Variants in STK24 observed in about 807,000 individuals in gnomAD.
The protein encoded by STK24 is serine/threonine-protein kinase 24.
In STK24, 21 loss-of-function variants were observed where a neutral mutation model predicts 55.6. The observed-to-expected ratio is 0.38, with a 90% CI of 0.27 to 0.54. The LOEUF (loss-of-function observed/expected upper bound fraction) is 0.54. Among genes scored for constraint, STK24 ranks in the 20% least tolerant of loss-of-function variants. The probability of loss-of-function intolerance (pLI) is 0.79; values close to 1 mark genes in which losing one functional copy is unlikely to be tolerated. For synonymous variants in STK24, 200 were observed against 215.2 expected (o/e 0.93, Z 0.62); for missense variants, 383 against 538.4 (o/e 0.71, Z 2.86).
intron 1 of STK24, among the ~76,000 whole-genome samples, chr13:98,560,540 C>A (rs1410612919): frequency 6.6e-6 from 1 of 152,150 alleles, no homozygotes; most frequent in Admixed American, 6.6e-5. Context: ...TTAAACCAGA[C>A]TATTTACCAT....
Position 98,449,369 on chromosome 13 carries a change from A to T in STK24, c.*3804T>A, listed in dbSNP as rs1386625889. On this transcript the variant is annotated 3_prime_UTR_variant, in exon 11 of 11. Coordinates refer to ENST00000539966, the MANE Select transcript of STK24 (RefSeq NM_001032296.4). ...TTCCCCCCAGGCATGGGGTAGTGTC[A>T]GTCGGACTGCACAGGGAACACGGTT... 1 of 152,174 alleles carries T rather than the reference A, an allele frequency of 6.6e-6. No individual in the cohort carries two copies. Among genetic ancestry groups the T allele is most frequent in the Non-Finnish European group, 1.5e-5 (1 of 68,056 alleles). The allele number at this position is 152,174 out of a possible 1,614,324, so 9.4% of individuals were successfully genotyped here. A position where few individuals can be genotyped will look rare whatever the true frequency, so the allele number is the denominator to read the frequency against.
intron 2 of STK24, among the ~76,000 whole-genome samples, chr13:98,494,425 A>AAAAAAAC (rs1417992070): frequency 1.3e-5 from 2 of 150,078 alleles, no homozygotes; most frequent in African/African-American, 4.9e-5. Flanking sequence ...AAAAAAAAAA[A>AAAAAAAC]AAAGTGCCTC....
rs76710668 is a variant in STK24 at position 98,513,742 on chromosome 13, T to C, written c.273+5501A>G. On this transcript the variant is annotated intron_variant, in intron 2 of 10. Transcript: ENST00000539966. ...CTAAAATAGTATCTCATTTTCACCA[T>C]CTCAATGAAAGCGCGGCTGGGACTC... Among the ~76,000 whole-genome samples the C allele has an allele frequency of 1.2e-3, 182 of 152,304 alleles. 1 individual carries two copies. The highest frequency in any genetic ancestry group is 4.1e-3 in the African/African-American group (172 of 41,554).
intron 2 of STK24, among the ~76,000 whole-genome samples, chr13:98,497,810 A>G (rs1895301890): frequency 6.6e-6 from 1 of 152,346 alleles, no homozygotes; most frequent in Non-Finnish European, 1.5e-5. Flanking sequence ...TGGCACAGCA[A>G]TGGAAAAACA....
Position 98,446,959 on chromosome 13 carries a change from G to A in STK24, c.*6214C>T, listed in dbSNP as rs769268062. ...GTTTAGACCTGGGGTCCCACTGCCCGACACCAGCAGGCGATTCTGTTCTCA... is the reference window on the plus strand; with the variant it reads ...GTTTAGACCTGGGGTCCCACTGCCCAACACCAGCAGGCGATTCTGTTCTCA... On this transcript the variant is annotated 3_prime_UTR_variant, in exon 11 of 11. Coordinates refer to ENST00000539966, the MANE Select transcript of STK24 (RefSeq NM_001032296.4). The A allele has an allele frequency of 9.8e-6, 8 of 815,900 alleles. No individual in the cohort carries two copies. Among genetic ancestry groups the A allele is most frequent in the Admixed American group, 9.6e-5 (4 of 41,724 alleles). The allele number at this position is 815,900 out of a possible 1,614,324, so 50.5% of individuals were successfully genotyped here.
At chr13:98,514,360 A>G (rs4772092) in intron 2 of STK24, among the ~76,000 whole-genome samples, 84,532 of 152,116 alleles carry the variant, frequency 0.56, 24,013 homozygotes, top group Non-Finnish European at 0.62. Flanking sequence ...TTTGGGGACC[A>G]CAGAAAAAAC....
At chr13:98,529,050 G>A (rs1419309397) in intron 1 of STK24, among the ~76,000 whole-genome samples, 1 of 152,112 alleles carries the variant, frequency 6.6e-6, no homozygotes, top group Non-Finnish European at 1.5e-5. Context: ...AGTCACCACC[G>A]ATTTGGCCAA....
rs1260139958 is a variant in STK24 at position 98,538,860 on chromosome 13, A to C, written c.43-19387T>G. On this transcript the variant is annotated intron_variant, in intron 1 of 10. Transcript: ENST00000539966. ...TCTTTCTTGCTCCTCGGTGAGGCCCAAACAGGTGAAAATTTCATAATTACT... is the reference window on the plus strand; with the variant it reads ...TCTTTCTTGCTCCTCGGTGAGGCCCCAACAGGTGAAAATTTCATAATTACT... Among the ~76,000 whole-genome samples, 4 of 152,216 alleles carry C rather than the reference A, an allele frequency of 2.6e-5. No individual in the cohort carries two copies. The East Asian group carries it at 7.7e-4, about 29-fold the overall frequency.
At chr13:98,570,315 A>G (rs548835297) in intron 1 of STK24, among the ~76,000 whole-genome samples, 5 of 152,304 alleles carry the variant, frequency 3.3e-5, no homozygotes, top group African/African-American at 9.6e-5. Flanking sequence ...CAACCTTACA[A>G]AACTACCCAT....
Position 98,448,079 on chromosome 13 carries a change from C to CGCCT in STK24, c.*5090_*5093dup. 1 of 661,006 alleles carries CGCCT rather than the reference C, an allele frequency of 1.5e-6. No homozygotes were observed. Among genetic ancestry groups the CGCCT allele is most frequent in the Non-Finnish European group, 2.8e-6 (1 of 362,418 alleles). The allele number at this position is 661,006 out of a possible 1,614,324, so 40.9% of individuals were successfully genotyped here. A position where few individuals can be genotyped will look rare whatever the true frequency, so the allele number is the denominator to read the frequency against. On this transcript the variant is annotated 3_prime_UTR_variant, in exon 11 of 11. Transcript: ENST00000539966. ...GTGGGTCTCCACTGTACCTCAGGAA[C>CGCCT]GCCTGGGTGCTGGCTGTTCCCTTGC...
chr13:98,455,188 A>C (rs1893395577), intron 10 of STK24: 1 of 152,220 alleles, frequency 6.6e-6, no homozygotes, highest in Non-Finnish European at 1.5e-5. Context: ...GTATTGTTGA[A>C]ACTAATTTCA....
At chr13:98,559,319 T>C in intron 1 of STK24, among the ~76,000 whole-genome samples, 1 of 152,170 alleles carries the variant, frequency 6.6e-6, no homozygotes, top group Non-Finnish European at 1.5e-5. Context: ...CAGGAGGGTT[T>C]TTCCCATCCT....
rs1200791065 is a variant in STK24 at position 98,551,447 on chromosome 13, C to T, written c.42+25298G>A. ...AGACTTGGAACCCCCGTCATACTTTCTCTTTTTTTTTTTTTCTTAGCACCT... is the reference window on the plus strand; with the variant it reads ...AGACTTGGAACCCCCGTCATACTTTTTCTTTTTTTTTTTTTCTTAGCACCT... On this transcript the variant is annotated intron_variant, in intron 1 of 10. Coordinates refer to ENST00000539966, the MANE Select transcript of STK24 (RefSeq NM_001032296.4). 2.6e-5 allele frequency among the ~76,000 whole-genome samples: 4 copies of T among 151,852 alleles called. No individual in the cohort carries two copies. In the South Asian group the frequency reaches 8.3e-4, roughly 32 times the overall value.
chr13:98,483,308 TTTGGGTTCACA>T (rs1027878504), intron 2 of STK24, among the ~76,000 whole-genome samples: 1 of 151,684 alleles, frequency 6.6e-6, no homozygotes, highest in African/African-American at 2.4e-5. Flanking sequence ...ACCGCCAGAG[TTTGGGTTCACA>T]GTGGGTTCAC....
At chr13:98,463,422 C>G (rs139956665) in intron 7 of STK24, among the ~76,000 whole-genome samples, 2,372 of 152,150 alleles carry the variant, frequency 0.016, 26 homozygotes, top group Middle Eastern at 0.037. Flanking sequence ...CAGAACAGAA[C>G]GAAACAAAAC....
intron 2 of STK24, among the ~76,000 whole-genome samples, chr13:98,492,305 G>C (rs1054828908): frequency 3.9e-5 from 6 of 152,158 alleles, no homozygotes; most frequent in Non-Finnish European, 8.8e-5. Context: ...CTCCTAGAAA[G>C]TGGGAGGGTG....
chr13:98,549,417 A>G (rs1043756405), intron 1 of STK24, among the ~76,000 whole-genome samples: 1 of 152,162 alleles, frequency 6.6e-6, no homozygotes, highest in African/African-American at 2.4e-5. Flanking sequence ...ATATGGTTGG[A>G]GGTCCCCTTC....
At chr13:98,470,196 C>T (rs1894088799) in intron 5 of STK24, among the ~76,000 whole-genome samples, 1 of 152,192 alleles carries the variant, frequency 6.6e-6, no homozygotes, top group Admixed American at 6.5e-5. Flanking sequence ...GGGACTCACT[C>T]TGTCACCCAG....
rs988918844 is a variant in STK24 at position 98,452,910 on chromosome 13, T to C, written c.*263A>G. 7 of 392,738 alleles carry C rather than the reference T, an allele frequency of 1.8e-5. No homozygotes were observed. Among genetic ancestry groups the C allele is most frequent in the Non-Finnish European group, 2.7e-5 (6 of 221,218 alleles). The allele number at this position is 392,738 out of a possible 1,614,324, so 24.3% of individuals were successfully genotyped here. On this transcript the variant is annotated 3_prime_UTR_variant, in exon 11 of 11. Coordinates refer to ENST00000539966, the MANE Select transcript of STK24 (RefSeq NM_001032296.4). ...ACACTTTCCTGGAATATGTGCACTA[T>C]GGTTAAAATTAAAAACAAAAGTAAT...
Sources: allele counts gnomAD v4.1 joint callset (sites outside exome capture counted in the v4.1 genomes callset), GRCh38; gene constraint gnomAD v4.1.1; transcripts MANE v1.5; gene names NCBI Gene and HGNC (gene_info 2026-07-23, HGNC 2026-07-21).